Variants in MYH13 observed in about 807,000 individuals in gnomAD.
MYH13 encodes the protein myosin heavy chain 13.
MYH13 carries 177 observed loss-of-function variants against 232.1 expected under a neutral mutation model. The observed-to-expected ratio is 0.76, with a 90% CI of 0.67 to 0.86. MYH13 has a LOEUF of 0.86. MYH13 is among the 40% of genes least tolerant of loss of function. The pLI is 0.00. For missense variants in MYH13, 2,246 were observed against 2,405.9 expected, an observed-to-expected ratio of 0.93 and a Z score of 1.39; for synonymous variants, 884 against 923.5, an observed-to-expected ratio of 0.96 and a Z score of 0.78.
intron 1 of MYH13, 52 bp from the exon 2 acceptor site, chr17:10,371,311 C>A (rs575351534): frequency 6.6e-6 from 1 of 152,044 alleles, no homozygotes; most frequent in Non-Finnish European, 1.5e-5. Flanking sequence ...AAATGAGCTA[C>A]AAAGAGTTTA....
intron 37 of MYH13, 91 bp from the exon 38 acceptor site, chr17:10,303,589 A>G (rs984290308): frequency 2.1e-5 from 23 of 1,100,408 alleles, no homozygotes; most frequent in Non-Finnish European, 2.9e-5. Context: ...AGTGAACTCA[A>G]GATCCCCTAA....
chr17:10,321,806 C>T, intron 23 of MYH13, 98 bp from the exon 24 acceptor site: 1 of 1,192,832 alleles, frequency 8.4e-7, no homozygotes, highest in Non-Finnish European at 1.2e-6. Flanking sequence ...TCCTTTTTCC[C>T]TTTTCTTTTT....
At chr17:10,318,670 G>A (rs893760359) in intron 27 of MYH13, 120 bp downstream of exon 27, 1 of 1,311,086 alleles carries the variant, frequency 7.6e-7, no homozygotes, top group African/African-American at 1.5e-5. Context: ...GGCAGAAATA[G>A]GGAAGAGGGT....
At chr17:10,322,233 A>T (rs1906973418) in intron 23 of MYH13, among the ~76,000 whole-genome samples, 1 of 60,288 alleles carries the variant, frequency 1.7e-5, no homozygotes, top group East Asian at 2.6e-3. Context: ...TCTACTAAAA[A>T]TACAAAAAAA....
At chr17:10,331,192 T>C (rs144644670) in intron 20 of MYH13, among the ~76,000 whole-genome samples, 8 of 152,252 alleles carry the variant, frequency 5.3e-5, no homozygotes, top group South Asian at 2.1e-4. Context: ...CACAGATGCG[T>C]TGGCTTCACC....
At position 10,321,575 on chromosome 17, in the gene MYH13, C is replaced by T. The variant is rs769695969; in HGVS notation, c.3068G>A (p.Gly1023Asp). The T allele has an allele frequency of 1.8e-5, 29 of 1,613,810 alleles. No homozygotes were observed. Among genetic ancestry groups the T allele is most frequent in the Non-Finnish European group, 2.3e-5 (27 of 1,179,808 alleles). ...DLQVEEDKVNGLIKINAKLEQ... is the reference protein window; with the variant it reads ...DLQVEEDKVNDLIKINAKLEQ... ...AAGCTTGGCATTTATTTTGATTAGA[C>T]CATTGACTTTATCTTCTTCCACCTG... The change falls in exon 24 of 41, where the codon GGT (glycine) becomes GAT (aspartate). Residue 1023 changes from glycine (G) to aspartate (D), a missense_variant. Physicochemically the swap from Gly to Asp is moderately conservative, Grantham distance 94. Coordinates refer to ENST00000252172, the MANE Select transcript of MYH13 (RefSeq NM_003802.3).
At chr17:10,312,434 G>T in intron 31 of MYH13, 140 bp downstream of exon 31, 1 of 995,614 alleles carries the variant, frequency 1.0e-6, no homozygotes, top group Non-Finnish European at 1.5e-6. Flanking sequence ...ACACATCTAA[G>T]CGTGAAACTG....
chr17:10,309,050 A>C (rs1906392397), intron 35 of MYH13, among the ~76,000 whole-genome samples, 184 bp downstream of exon 35: 1 of 152,246 alleles, frequency 6.6e-6, no homozygotes. Flanking sequence ...GTCAATCAAG[A>C]GTCAGTTATT....
In MYH13 at chr17:10,320,144, T is replaced by G; in HGVS notation, c.3348+9A>C. On this transcript the variant is annotated intron_variant, in intron 26 of 40. Coordinates refer to ENST00000252172, the MANE Select transcript of MYH13 (RefSeq NM_003802.3). ...ATTGTCATGATTGGGAAGGTTTTGA[T>G]GCTTTTACTTGCAGTTCTTTAATCT... 1.9e-6 allele frequency: 3 copies of G among 1,567,846 alleles called. No individual in the cohort carries two copies. Among genetic ancestry groups the G allele is most frequent in the Non-Finnish European group, 2.6e-6 (3 of 1,153,768 alleles).
chr17:10,315,911 G>A lies in MYH13; in HGVS notation c.3853C>T (p.Gln1285Ter). The A allele has an allele frequency of 6.2e-7, 1 of 1,613,978 alleles. No homozygotes were observed. The change falls in exon 28 of 41, where the codon CAG becomes TAG. Residue 1285 changes from glutamine to a stop codon, truncating the protein, a stop_gained. Transcript: ENST00000252172. LOFTEE classifies it high-confidence loss of function. ...HDLNMQKARL[Q>*]TQNGELSHRV... is the part of the protein sequence containing the mutation. ...TGCCCATTCTCACCATTTTGGGTCT[G>A]CAGTCTTGCTTTCTGCATGTTCAGA... is the stretch of plus-strand genomic sequence containing the variant.
At chr17:10,342,120 G>A (rs1597384228) in intron 16 of MYH13, among the ~76,000 whole-genome samples, 2 of 152,092 alleles carry the variant, frequency 1.3e-5, no homozygotes, top group Admixed American at 6.6e-5. Flanking sequence ...ATCATGGCTC[G>A]CTGCAATTTC....
At chr17:10,327,392 C>G (rs548836558) in intron 22 of MYH13, among the ~76,000 whole-genome samples, 1 of 152,086 alleles carries the variant, frequency 6.6e-6, no homozygotes, top group African/African-American at 2.4e-5. Context: ...GCGATCCTCC[C>G]ACCTCAGCCT....
rs745908111 is a variant in MYH13 at position 10,303,258 on chromosome 17, G to T, written c.5605C>A (p.Gln1869Lys). 8.1e-6 allele frequency: 13 copies of T among 1,613,770 alleles called. No individual in the cohort carries two copies. In the East Asian group the frequency reaches 2.9e-4, roughly 36 times the overall value. Residue 1869 changes from glutamine (Q) to lysine (K), a missense_variant, in exon 39 of 41, where the codon CAG (glutamine) becomes AAG (lysine). Coordinates refer to ENST00000252172, the MANE Select transcript of MYH13 (RefSeq NM_003802.3). ...GCCTGCAGCTTGTCCACCAGGTCCT[G>T]GAGCCTAAGGATATTCTTGTGGTCC... Reference protein sequence around the residue: ...EEDHKNILRLQDLVDKLQAKV... With the variant: ...EEDHKNILRLKDLVDKLQAKV...
chr17:10,311,463 A>T (rs1285344530), intron 32 of MYH13, among the ~76,000 whole-genome samples: 2 of 152,368 alleles, frequency 1.3e-5, no homozygotes, highest in East Asian at 3.9e-4. Context: ...TACCATATAC[A>T]AAACGGTCAT....
rs369881982 is a variant in MYH13, at chr17:10,350,541, C to T, written c.1144+15G>A. The T allele has an allele frequency of 6.2e-7, 1 of 1,610,166 alleles. No homozygotes were observed. The highest frequency in any genetic ancestry group is 8.5e-7 in the Non-Finnish European group (1 of 1,178,882). ...TAGATGGACCCAATCGCATCCCTTT[C>T]CCAGATGCAGTTACCTTCGGTGCCG... On this transcript the variant is annotated intron_variant, in intron 12 of 40. Transcript: ENST00000252172.
intron 18 of MYH13, among the ~76,000 whole-genome samples, chr17:10,338,981 G>A (rs923180694): frequency 2.0e-5 from 3 of 152,298 alleles, no homozygotes; most frequent in Admixed American, 6.5e-5. Context: ...GATTACAGGC[G>A]TGAGCCACTG....
rs1467219569 is a variant in MYH13 at position 10,320,405 on chromosome 17, T to G, written c.3203A>C (p.Glu1068Ala). 1.3e-5 allele frequency: 21 copies of G among 1,613,118 alleles called. No individual in the cohort carries two copies. Among genetic ancestry groups the G allele is most frequent in the Non-Finnish European group, 1.7e-5 (20 of 1,179,536 alleles). The change falls in exon 25 of 41, where the codon GAA (glutamate) becomes GCA (alanine). Residue 1068 changes from glutamate to alanine, a missense_variant. Glu to Ala is a moderately radical substitution (Grantham distance 107). Transcript: ENST00000252172. ...GTCATTTTCTAGATCCATAATGGATTCCTGGGACATTTTCAGATCTCCTTC... is the reference window on the plus strand; with the variant it reads ...GTCATTTTCTAGATCCATAATGGATGCCTGGGACATTTTCAGATCTCCTTC... ...KLEGDLKMSQ[E>A]SIMDLENDKQ...
In MYH13 at chr17:10,315,788, C is replaced by A; in HGVS notation, c.3889G>T (p.Glu1297Ter). 1 of 1,614,022 alleles carries A rather than the reference C, an allele frequency of 6.2e-7. No individual in the cohort carries two copies. Among genetic ancestry groups the A allele is most frequent in the Non-Finnish European group, 8.5e-7 (1 of 1,179,898 alleles). Residue 1297 changes from glutamate (E) to a stop codon, truncating the protein, a stop_gained, in exon 29 of 41, where the codon GAG becomes TAG. Transcript: ENST00000252172. LOFTEE classifies it high-confidence loss of function. ...AGCTGTGAAATCAGAGACTCCTTCT[C>A]TTCCACTCGGTGGCTCAGCTCCCCT... ...QNGELSHRVE[E>*]KESLISQLTK...
At position 10,306,755 on chromosome 17, in the gene MYH13, GATT is replaced by G; in HGVS notation, c.5296-129_5296-127del. 6.6e-7 allele frequency: 1 copy of G among 1,523,750 alleles called. No homozygotes were observed. Among genetic ancestry groups the G allele is most frequent in the Non-Finnish European group, 8.8e-7 (1 of 1,136,834 alleles). The allele number at this position is 1,523,750 out of a possible 1,614,324, so 94.4% of individuals were successfully genotyped here. On this transcript the variant is annotated intron_variant, in intron 36 of 40. Transcript: ENST00000252172. The surrounding 1 kb of genome is among the most constrained non-coding windows in gnomAD (Gnocchi z 4.3). ...TGTCTGACTGGGGCCAGTCATTGCT[GATT>G]CCCCACAGCCTCCCCTCCCACTTTG...
Sources: gnomAD v4.1 joint callset for allele counts (sites outside exome capture counted in the v4.1 genomes callset) on GRCh38, gnomAD v4.1.1 for gene constraint, Gnocchi (gnomAD v3.1) non-coding constraint, MANE v1.5 for transcripts, NCBI Gene and HGNC (gene_info 2026-07-23, HGNC 2026-07-21) for gene names.